The following AFF3 variants were observed in gnomAD, a reference collection of about 807,000 sequenced individuals.
AFF3 encodes AF4/FMR2 family member 3.
A neutral mutation model predicts 129.7 loss-of-function variants in AFF3; 32 were observed. The ratio of observed to expected loss-of-function variants is 0.25; its 90% CI spans 0.19 to 0.33. The LOEUF (loss-of-function observed/expected upper bound fraction) is 0.33. Ranked by LOEUF, AFF3 falls within the 10% of genes least tolerant of loss-of-function variation. The pLI, the probability that AFF3 is intolerant of heterozygous loss-of-function variation, is 1.00. For missense variants in AFF3, 1,373 were observed against 1,592.0 expected (o/e 0.86, Z 2.34); for synonymous variants, 644 against 635.4 (o/e 1.01, Z -0.20).
At chr2:100,114,685 C>T (rs1206538256) in intron 2 of AFF3, among the ~76,000 whole-genome samples, 6 of 152,220 alleles carry the variant, frequency 3.9e-5, no homozygotes, top group Non-Finnish European at 8.8e-5. Flanking sequence ...CCTGGCCAGC[C>T]CTGCATTTTT....
At chr2:99,595,077 G>A (rs938159594) in intron 14 of AFF3, among the ~76,000 whole-genome samples, 1 of 152,290 alleles carries the variant, frequency 6.6e-6, no homozygotes, top group East Asian at 1.9e-4. Flanking sequence ...GATGGCTAGG[G>A]AATGCCCTGA....
At chr2:99,693,555 A>T (rs997467977) in intron 11 of AFF3, among the ~76,000 whole-genome samples, 1 of 152,172 alleles carries the variant, frequency 6.6e-6, no homozygotes, top group African/African-American at 2.4e-5. Context: ...AGAGTTGATG[A>T]GTATTAATAT....
chr2:100,105,663 CT>C (rs746027211), intron 2 of AFF3, 80 bp from the exon 3 acceptor site: 71 of 1,346,386 alleles, frequency 5.3e-5, no homozygotes, highest in African/African-American at 8.9e-5. Flanking sequence ...GCTCTTCCCC[CT>C]GGCTTACTTT....
chr2:99,663,013 ATGCAAC>A (rs1686379726), intron 12 of AFF3, among the ~76,000 whole-genome samples: 1 of 152,224 alleles, frequency 6.6e-6, no homozygotes, highest in Non-Finnish European at 1.5e-5. Context: ...GAGAAGAAAA[ATGCAAC>A]TAAGGAAGTA....
At position 99,634,618 on chromosome 2, in the gene AFF3, T is replaced by C. The variant is rs186504852; in HGVS notation, c.1184+15008A>G. 3.9e-5 allele frequency among the ~76,000 whole-genome samples: 6 copies of C among 152,212 alleles called. No individual in the cohort carries two copies. The East Asian group carries it at 9.7e-4, about 25-fold the overall frequency. On this transcript the variant is annotated intron_variant, in intron 13 of 24. Transcript: ENST00000672756. ...CAAATGCTAGTGAATAGGTAATAGT[T>C]CTCCAGTCAGCTGGAATGAAGGGGA...
intron 11 of AFF3, among the ~76,000 whole-genome samples, chr2:99,680,930 A>G (rs1301394245): frequency 6.6e-6 from 1 of 152,246 alleles, no homozygotes; most frequent in African/African-American, 2.4e-5. Context: ...AGGATGGCAT[A>G]ACACAGTGGT....
intron 10 of AFF3, among the ~76,000 whole-genome samples, chr2:99,730,399 G>A (rs1679726014): frequency 6.6e-6 from 1 of 152,072 alleles, no homozygotes; most frequent in Non-Finnish European, 1.5e-5. Flanking sequence ...CACTGCTGGA[G>A]TATCTTACTT....
chr2:99,559,042 T>C, intron 21 of AFF3, 74 bp from the exon 22 acceptor site: 1 of 1,401,344 alleles, frequency 7.1e-7, no homozygotes, highest in Admixed American at 1.7e-5. Context: ...AACATTTTTG[T>C]TGTTGTTCTA....
chr2:100,142,201 C>T (rs1445608972), intron 1 of AFF3, among the ~76,000 whole-genome samples: 1 of 150,328 alleles, frequency 6.7e-6, no homozygotes, highest in Non-Finnish European at 1.5e-5. Context: ...TCTTTATGTG[C>T]ACCCTCTACC....
chr2:99,971,053 T>C (rs1295635477), intron 7 of AFF3, among the ~76,000 whole-genome samples: 5 of 152,216 alleles, frequency 3.3e-5, no homozygotes, highest in African/African-American at 9.6e-5. Flanking sequence ...AGTATTGGCA[T>C]ATCAATTATC....
intron 8 of AFF3, among the ~76,000 whole-genome samples, chr2:99,817,184 T>C (rs1323989742): frequency 6.6e-6 from 1 of 152,178 alleles, no homozygotes; most frequent in Non-Finnish European, 1.5e-5. Flanking sequence ...CTCGAGATTC[T>C]CCCAGGTCTT....
intron 7 of AFF3, among the ~76,000 whole-genome samples, chr2:99,969,223 C>A (rs1242902987): frequency 1.3e-5 from 2 of 152,186 alleles, no homozygotes; most frequent in Non-Finnish European, 2.9e-5. Flanking sequence ...CAGGCCACAG[C>A]ATCACTCCAT....
Position 99,925,373 on chromosome 2 carries a change from T to C in AFF3, c.873+81259A>G, listed in dbSNP as rs1378170424. ...TTCCTACAAAATAAGTATATAAATATGTTTATATGCAAGCCCTTCTAAGGA... is the reference window on the plus strand; with the variant it reads ...TTCCTACAAAATAAGTATATAAATACGTTTATATGCAAGCCCTTCTAAGGA... On this transcript the variant is annotated intron_variant, in intron 7 of 24. Transcript: ENST00000672756. 1.3e-5 allele frequency among the ~76,000 whole-genome samples: 2 copies of C among 152,216 alleles called. 1 individual carries two copies. The highest frequency in any genetic ancestry group is 4.8e-5 in the African/African-American group (2 of 41,456).
At chr2:99,657,452 T>C (rs1406081911) in intron 12 of AFF3, among the ~76,000 whole-genome samples, 1 of 152,172 alleles carries the variant, frequency 6.6e-6, no homozygotes. Context: ...CCAAGTTCCT[T>C]AAAAGAACAT....
At chr2:99,641,464 G>A (rs1202803146) in intron 13 of AFF3, among the ~76,000 whole-genome samples, 1 of 152,132 alleles carries the variant, frequency 6.6e-6, no homozygotes, top group Non-Finnish European at 1.5e-5. Context: ...GATCACCTGA[G>A]GTCAGGAGTT....
At chr2:99,763,618 T>C (rs978802483) in intron 8 of AFF3, among the ~76,000 whole-genome samples, 5 of 152,216 alleles carry the variant, frequency 3.3e-5, no homozygotes, top group South Asian at 4.1e-4. Flanking sequence ...TTTAGGAAAA[T>C]GGTAGCTGCT....
chr2:99,784,830 T>C (rs758774530), intron 8 of AFF3, among the ~76,000 whole-genome samples: 15 of 152,226 alleles, frequency 9.9e-5, no homozygotes, highest in Non-Finnish European at 2.1e-4. Context: ...GTGATCTCTA[T>C]AGGCTGATCT....
At chr2:99,939,638 A>G (rs1674845106) in intron 7 of AFF3, among the ~76,000 whole-genome samples, 1 of 152,244 alleles carries the variant, frequency 6.6e-6, no homozygotes, top group African/African-American at 2.4e-5. Flanking sequence ...AGGCTATGAT[A>G]TACTGAAATA....
At chr2:99,684,171 G>C (rs1674804079) in intron 11 of AFF3, among the ~76,000 whole-genome samples, 1 of 152,190 alleles carries the variant, frequency 6.6e-6, no homozygotes, top group Non-Finnish European at 1.5e-5. Context: ...AGCTCATTTA[G>C]TCTCTCCTTC....
Sources: gnomAD v4.1 joint callset for allele counts (sites outside exome capture counted in the v4.1 genomes callset) on GRCh38, gnomAD v4.1.1 for gene constraint, MANE v1.5 for transcripts, NCBI Gene and HGNC (gene_info 2026-07-23, HGNC 2026-07-21) for gene names.